Variants in CLINT1 observed in about 807,000 individuals in gnomAD.
CLINT1 encodes the protein clathrin interacting protein localized in the trans-Golgi region.
A neutral mutation model predicts 70.4 loss-of-function variants in CLINT1; 15 were observed. The ratio of observed to expected loss-of-function variants is 0.21; its 90% CI spans 0.14 to 0.33. The LOEUF is 0.33. Among genes scored for constraint, CLINT1 ranks in the 10% least tolerant of loss-of-function variants. The pLI is 1.00. For synonymous variants in CLINT1, 227 were observed against 254.7 expected (o/e 0.89, Z 1.04); for missense variants, 615 against 778.1 (o/e 0.79, Z 2.49).
chr5:157,843,867 G>A (rs138814075), intron 1 of CLINT1, among the ~76,000 whole-genome samples: 78 of 152,256 alleles, frequency 5.1e-4, no homozygotes, highest in African/African-American at 1.1e-3. Flanking sequence ...TTGCAGACAT[G>A]GGCTTGATAT....
At chr5:157,853,777 CAAAAAAAAAAAAAA>C (rs11316474) in intron 1 of CLINT1, among the ~76,000 whole-genome samples, 3 of 48,020 alleles carry the variant, frequency 6.2e-5, no homozygotes, top group Non-Finnish European at 7.7e-5. Context: ...GACACCATCT[CAAAAAAAAAAAAAA>C]AAAAAAAAAA....
chr5:157,793,041 G>C (rs1385985220), intron 9 of CLINT1, among the ~76,000 whole-genome samples: 1 of 152,128 alleles, frequency 6.6e-6, no homozygotes, highest in Non-Finnish European at 1.5e-5. Flanking sequence ...AATATCAAAA[G>C]AGAATAATAA....
chr5:157,839,841 C>CA (rs1753091119), intron 1 of CLINT1, among the ~76,000 whole-genome samples: 1 of 151,862 alleles, frequency 6.6e-6, no homozygotes, highest in Admixed American at 6.6e-5. Flanking sequence ...CAGGAGTCCT[C>CA]AGAGAAATGG....
intron 3 of CLINT1, among the ~76,000 whole-genome samples, chr5:157,815,308 AAAC>A (rs1476505999): frequency 1.3e-5 from 2 of 152,048 alleles, no homozygotes; most frequent in Admixed American, 1.3e-4. Flanking sequence ...AAAAACAAAC[AAAC>A]AACAACCAAC....
intron 8 of CLINT1, among the ~76,000 whole-genome samples, chr5:157,800,584 C>T (rs1368795360): frequency 1.3e-5 from 2 of 151,984 alleles, no homozygotes; most frequent in East Asian, 1.9e-4. Flanking sequence ...GTTAAACATA[C>T]GGTTTCAAAT....
chr5:157,855,348 A>G (rs546223582), intron 1 of CLINT1, among the ~76,000 whole-genome samples: 22 of 152,190 alleles, frequency 1.4e-4, no homozygotes, highest in Non-Finnish European at 2.8e-4. Context: ...TACCATGTAT[A>G]GGATGACAAA....
At chr5:157,832,492 T>C (rs769926781) in intron 1 of CLINT1, among the ~76,000 whole-genome samples, 2 of 152,202 alleles carry the variant, frequency 1.3e-5, no homozygotes, top group Admixed American at 6.5e-5. Flanking sequence ...TTCCCATTAC[T>C]TTCCCACACC....
intron 6 of CLINT1, among the ~76,000 whole-genome samples, chr5:157,806,573 C>T (rs73817756): frequency 6.6e-6 from 1 of 152,146 alleles, no homozygotes; most frequent in African/African-American, 2.4e-5. Flanking sequence ...CTCTCAAAGA[C>T]TAATGTGTGT....
intron 1 of CLINT1, among the ~76,000 whole-genome samples, chr5:157,828,574 T>C (rs188064523): frequency 6.6e-6 from 1 of 151,920 alleles, no homozygotes; most frequent in Non-Finnish European, 1.5e-5. Context: ...ATAACTAGAG[T>C]GGGTTGAAGG....
At chr5:157,827,883 T>C (rs1034774454) in intron 1 of CLINT1, among the ~76,000 whole-genome samples, 13 of 152,214 alleles carry the variant, frequency 8.5e-5, no homozygotes, top group African/African-American at 2.9e-4. Flanking sequence ...TATGGCTATT[T>C]TGTGGCAAAT....
intron 1 of CLINT1, among the ~76,000 whole-genome samples, chr5:157,848,364 T>C (rs1179605806): frequency 6.7e-6 from 1 of 149,850 alleles, no homozygotes; most frequent in East Asian, 2.0e-4. Flanking sequence ...CACAAAGCTC[T>C]GGGATTACAG....
chr5:157,811,197 C>T (rs1762545386), intron 5 of CLINT1, among the ~76,000 whole-genome samples: 1 of 152,140 alleles, frequency 6.6e-6, no homozygotes, highest in African/African-American at 2.4e-5. Flanking sequence ...TACTGAATTA[C>T]TGCTAAAGAT....
At chr5:157,822,001 G>T (rs901730443) in intron 1 of CLINT1, among the ~76,000 whole-genome samples, 2 of 152,124 alleles carry the variant, frequency 1.3e-5, no homozygotes, top group Non-Finnish European at 2.9e-5. Flanking sequence ...TAGATCTTTA[G>T]TGCCAACTGC....
At position 157,792,012 on chromosome 5, in the gene CLINT1, T is replaced by C. The variant is rs1761928454; in HGVS notation, c.1088-17A>G. 6.2e-7 allele frequency: 1 copy of C among 1,602,478 alleles called. No individual in the cohort carries two copies. ...TTGCTGTTACTAAGACAGAAATAAC[T>C]CTAAGGGTAAGAAACTTCATGGAAT... On this transcript the variant is annotated splice_polypyrimidine_tract_variant and intron_variant, in intron 9 of 11. Coordinates refer to ENST00000411809, the MANE Select transcript of CLINT1 (RefSeq NM_014666.4).
At chr5:157,828,340 AG>A (rs1170388532) in intron 1 of CLINT1, among the ~76,000 whole-genome samples, 1 of 152,220 alleles carries the variant, frequency 6.6e-6, no homozygotes, top group African/African-American at 2.4e-5. Context: ...GATGAAAAAT[AG>A]CTTCCAAAAT....
At chr5:157,811,882 G>A (rs1762572262) in intron 5 of CLINT1, among the ~76,000 whole-genome samples, 1 of 152,146 alleles carries the variant, frequency 6.6e-6, no homozygotes, top group African/African-American at 2.4e-5. Context: ...TACTACTTGG[G>A]TAAATAATCC....
intron 1 of CLINT1, among the ~76,000 whole-genome samples, chr5:157,829,551 G>A (rs188519621): frequency 3.3e-5 from 5 of 152,032 alleles, no homozygotes; most frequent in African/African-American, 7.2e-5. Context: ...AGACAGTCTC[G>A]TTCCAATTGC....
intron 1 of CLINT1, 112 bp downstream of exon 1, chr5:157,858,818 C>T: frequency 3.4e-6 from 4 of 1,181,424 alleles, no homozygotes; most frequent in Non-Finnish European, 4.8e-6. Flanking sequence ...CATGATGGGG[C>T]TGGCAGAGCC....
At chr5:157,826,643 A>T (rs1440342043) in intron 1 of CLINT1, among the ~76,000 whole-genome samples, 3 of 152,092 alleles carry the variant, frequency 2.0e-5, no homozygotes, top group Non-Finnish European at 2.9e-5. Context: ...TGCATGTGAG[A>T]TCATAACAAA....
Sources: allele counts gnomAD v4.1 joint callset (sites outside exome capture counted in the v4.1 genomes callset), GRCh38; gene constraint gnomAD v4.1.1; transcripts MANE v1.5; gene names NCBI Gene and HGNC (gene_info 2026-07-23, HGNC 2026-07-21).